RBPJ: variants seen among roughly 807,000 people sequenced by gnomAD.
RBPJ encodes recombination signal binding protein for immunoglobulin kappa J region.
RBPJ carries 9 observed loss-of-function variants against 67.8 expected under a neutral mutation model. The observed-to-expected ratio is 0.13, with a 90% CI of 0.08 to 0.23. The LOEUF is 0.23. RBPJ is among the 10% of genes least tolerant of loss of function. RBPJ has a pLI of 1.00. For synonymous variants in RBPJ, 198 were observed against 203.3 expected, an observed-to-expected ratio of 0.97 and a Z score of 0.22; for missense variants, 305 against 595.6, an observed-to-expected ratio of 0.51 and a Z score of 5.08.
At chr4:26,191,490 T>G (rs1206122027) in intron 1 of RBPJ, among the ~76,000 whole-genome samples, 1 of 151,952 alleles carries the variant, frequency 6.6e-6, no homozygotes, top group Non-Finnish European at 1.5e-5. Flanking sequence ...GGAGGACTCA[T>G]GAGACTCAGA....
intron 1 of RBPJ, among the ~76,000 whole-genome samples, chr4:26,377,308 A>C (rs1729852182): frequency 6.6e-6 from 1 of 152,242 alleles, no homozygotes; most frequent in Non-Finnish European, 1.5e-5. Context: ...CAATAAAGCC[A>C]GGATTTCAAT....
At chr4:26,285,810 C>T (rs1490988157) in intron 1 of RBPJ, among the ~76,000 whole-genome samples, 1 of 151,840 alleles carries the variant, frequency 6.6e-6, no homozygotes, top group Non-Finnish European at 1.5e-5. Flanking sequence ...CCATCCCTGT[C>T]TGAATATAAA....
the RBPJ span, among the ~76,000 whole-genome samples, chr4:26,147,071 G>A: frequency 1.3e-5 from 2 of 152,214 alleles, no homozygotes; most frequent in African/African-American, 4.8e-5. Flanking sequence ...TTTCTGAGCC[G>A]AGGTGAGGAG....
At chr4:26,238,795 G>A (rs1019711873) in intron 1 of RBPJ, among the ~76,000 whole-genome samples, 1 of 152,134 alleles carries the variant, frequency 6.6e-6, no homozygotes, top group Admixed American at 6.5e-5. Context: ...GAGGCAGGTG[G>A]CTGGGCAGAT....
Position 26,387,699 on chromosome 4 carries a change from C to G in RBPJ, c.59+1308C>G, listed in dbSNP as rs146478772. Among the ~76,000 whole-genome samples, 910 of 152,220 alleles carry G rather than the reference C, an allele frequency of 6.0e-3. 12 individuals are homozygous for G. The highest frequency in any genetic ancestry group is 0.021 in the African/African-American group (870 of 41,516). On this transcript the variant is annotated intron_variant, in intron 2 of 10. Coordinates refer to ENST00000355476, the MANE Select transcript of RBPJ (RefSeq NM_015874.6). ...TTTCAGTCTTCAGCTGCATATTGAT[C>G]AGCATGCGTGTGTAAGAAAACTACT...
At chr4:26,341,872 A>G (rs1725576431) in intron 1 of RBPJ, among the ~76,000 whole-genome samples, 1 of 152,208 alleles carries the variant, frequency 6.6e-6, no homozygotes, top group Non-Finnish European at 1.5e-5. Context: ...TGTTGTCAAT[A>G]ATGTTTCAGT....
chr4:26,355,485 CAAAAA>C (rs33950714), intron 1 of RBPJ, among the ~76,000 whole-genome samples: 5 of 131,784 alleles, frequency 3.8e-5, no homozygotes, highest in Non-Finnish European at 6.5e-5. Flanking sequence ...TCATCTCTAC[CAAAAA>C]AAAAAAAAAA....
the RBPJ span, among the ~76,000 whole-genome samples, chr4:26,120,208 A>G: frequency 2.0e-5 from 3 of 152,326 alleles, no homozygotes; most frequent in African/African-American, 7.2e-5. Flanking sequence ...AACAAAAGCA[A>G]AGGCACCAGA....
At chr4:26,338,120 A>G (rs1474847073) in intron 1 of RBPJ, among the ~76,000 whole-genome samples, 2 of 133,036 alleles carry the variant, frequency 1.5e-5, no homozygotes, top group East Asian at 4.2e-4. Context: ...TCCTCACCCT[A>G]ACATTATGGA....
upstream of RBPJ, among the ~76,000 whole-genome samples, chr4:26,162,269 C>T: frequency 6.6e-6 from 1 of 152,212 alleles, no homozygotes; most frequent in East Asian, 1.9e-4. Context: ...CTCACTTTGC[C>T]TGTGACAGGG....
chr4:26,210,995 T>C (rs2109171575), intron 1 of RBPJ, among the ~76,000 whole-genome samples: 1 of 152,126 alleles, frequency 6.6e-6, no homozygotes, highest in East Asian at 1.9e-4. Flanking sequence ...AGCAAAGTAA[T>C]TTCATTTTTC....
chr4:26,121,958 A>G, the RBPJ span, among the ~76,000 whole-genome samples: 1 of 151,106 alleles, frequency 6.6e-6, no homozygotes, highest in African/African-American at 2.4e-5. Context: ...TCATGGGAGA[A>G]ACACATTCCA....
At chr4:26,411,627 T>C (rs1030268755) in intron 3 of RBPJ, among the ~76,000 whole-genome samples, 16 of 152,026 alleles carry the variant, frequency 1.1e-4, no homozygotes, top group African/African-American at 2.9e-4. Flanking sequence ...ATTTTTCTTA[T>C]ATTTATTACA....
chr4:26,417,462 T>C lies in RBPJ; in HGVS notation c.321+1822T>C, dbSNP rs73810907. Among the ~76,000 whole-genome samples the C allele has an allele frequency of 5.0e-3, 763 of 152,320 alleles. 10 individuals carry two copies. Among genetic ancestry groups the C allele is most frequent in the African/African-American group, 0.018 (741 of 41,554 alleles). ...AGAAACTGGCAGAAGAGGAATAGAA[T>C]ACCTGAGAGCTTGAGCATTTAACTA... is the stretch of plus-strand genomic sequence containing the variant. On this transcript the variant is annotated intron_variant, in intron 4 of 10. Coordinates refer to ENST00000355476, the MANE Select transcript of RBPJ (RefSeq NM_015874.6).
At chr4:26,135,474 C>T in the RBPJ span, among the ~76,000 whole-genome samples, 4 of 151,944 alleles carry the variant, frequency 2.6e-5, no homozygotes, top group East Asian at 1.9e-4. Flanking sequence ...TAGCAATCCT[C>T]GTTTTACAGC....
the RBPJ span, among the ~76,000 whole-genome samples, chr4:26,157,873 G>A: frequency 1.3e-5 from 2 of 152,154 alleles, no homozygotes; most frequent in African/African-American, 4.8e-5. Context: ...TTTCCAGCTG[G>A]TAACAAATGC....
chr4:26,351,207 C>T (rs1425441403), intron 1 of RBPJ, among the ~76,000 whole-genome samples: 1 of 152,070 alleles, frequency 6.6e-6, no homozygotes, highest in Non-Finnish European at 1.5e-5. Flanking sequence ...TATGTGGAAA[C>T]ATTGTGTACA....
chr4:26,302,762 C>T (rs900838165), intron 1 of RBPJ, among the ~76,000 whole-genome samples: 2 of 152,146 alleles, frequency 1.3e-5, no homozygotes, highest in Non-Finnish European at 2.9e-5. Flanking sequence ...GTGGAAGGAT[C>T]AAATGAGATC....
intron 2 of RBPJ, among the ~76,000 whole-genome samples, chr4:26,387,824 G>C (rs907387298): frequency 2.0e-5 from 3 of 152,200 alleles, no homozygotes; most frequent in African/African-American, 7.2e-5. Context: ...AGTAGCCAGA[G>C]TGGAAAAATC....
Sources: gnomAD v4.1 joint callset for allele counts (sites outside exome capture counted in the v4.1 genomes callset) on GRCh38, gnomAD v4.1.1 for gene constraint, MANE v1.5 for transcripts, NCBI Gene and HGNC (gene_info 2026-07-23, HGNC 2026-07-21) for gene names.